The following ZNF138 variants were observed in gnomAD, a reference collection of about 807,000 sequenced individuals.
The protein encoded by ZNF138 is zinc finger protein 138 (clone pHZ-32).
In ZNF138, 33 loss-of-function variants were observed where a neutral mutation model predicts 33.0. That is an observed-to-expected ratio of 1.00 (90% CI 0.76 to 1.34). The LOEUF (loss-of-function observed/expected upper bound fraction) is 1.34, where lower values mean the gene tolerates loss of function less well. Among genes scored for constraint, ZNF138 ranks in the 40% most tolerant of loss-of-function variants. The pLI is 0.00. For synonymous variants in ZNF138, 139 were observed against 120.4 expected (o/e 1.15, Z -1.01); for missense variants, 360 against 370.8 (o/e 0.97, Z 0.24).
chr7:64,838,789 G>C, the ZNF138 span, among the ~76,000 whole-genome samples: 4 of 152,258 alleles, frequency 2.6e-5, no homozygotes, highest in African/African-American at 7.2e-5. Flanking sequence ...CAAGGAGTTA[G>C]GTGGGCAGGG....
chr7:64,800,244 G>A (rs1380590260), intron 1 of ZNF138, among the ~76,000 whole-genome samples: 1 of 152,110 alleles, frequency 6.6e-6, no homozygotes, highest in Non-Finnish European at 1.5e-5. Flanking sequence ...AATAGGAGTG[G>A]TGAGAGAAGG....
intron 3 of ZNF138, 36 bp from the exon 4 acceptor site, chr7:64,831,415 C>A: frequency 6.8e-7 from 1 of 1,471,448 alleles, no homozygotes; most frequent in Admixed American, 2.3e-5. Flanking sequence ...CTGAGTCTAG[C>A]AGGTGGAGTA....
At chr7:64,857,905 C>A in the ZNF138 span, among the ~76,000 whole-genome samples, 22 of 152,056 alleles carry the variant, frequency 1.4e-4, no homozygotes, top group African/African-American at 3.9e-4. Context: ...AAATTGGATA[C>A]CTATATAAAA....
At chr7:64,814,772 A>AG (rs1256321241) in intron 1 of ZNF138, 146 bp from the exon 2 acceptor site, 1 of 1,085,352 alleles carries the variant, frequency 9.2e-7, no homozygotes, top group Non-Finnish European at 1.3e-6. Flanking sequence ...CAAAAAAAAA[A>AG]AATTATTTTA....
Position 64,832,415 on chromosome 7 carries a change from C to A in ZNF138, c.*213C>A. The stretch of plus-strand genomic sequence containing the variant: ...TAATTCATACTGGAGAAAAACCCTA[C>A]AAATGTAAAGAATGTGGAAAAGCTT... On this transcript the variant is annotated 3_prime_UTR_variant, in exon 4 of 4. Coordinates refer to ENST00000307355, the MANE Select transcript of ZNF138 (RefSeq NM_001271639.2). The A allele has an allele frequency of 6.7e-7, 1 of 1,499,568 alleles. No homozygotes were observed. Among genetic ancestry groups the A allele is most frequent in the African/African-American group, 1.4e-5 (1 of 71,398 alleles). The allele number at this position is 1,499,568 out of a possible 1,614,324, so 92.9% of individuals were successfully genotyped here. A position where few individuals can be genotyped will look rare whatever the true frequency, so the allele number is the denominator to read the frequency against.
At chr7:64,849,915 C>G in the ZNF138 span, among the ~76,000 whole-genome samples, 1 of 152,180 alleles carries the variant, frequency 6.6e-6, no homozygotes, top group Non-Finnish European at 1.5e-5. Flanking sequence ...TTGTGCCTTG[C>G]TGCCTGTGGA....
At chr7:64,811,810 AGGG>A (rs1273776675) in intron 1 of ZNF138, among the ~76,000 whole-genome samples, 2 of 152,216 alleles carry the variant, frequency 1.3e-5, no homozygotes, top group African/African-American at 2.4e-5. Flanking sequence ...AATGAGCCCA[AGGG>A]GAGCAACATC....
chr7:64,831,838 A>G lies in ZNF138; in HGVS notation c.596A>G (p.Glu199Gly). Residue 199 changes from glutamate to glycine, a missense_variant, in exon 4 of 4, where the codon GAG (glutamate) becomes GGG (glycine). Physicochemically the swap from Glu to Gly is moderately conservative, Grantham distance 98 (BLOSUM62 -2). Transcript: ENST00000307355. ...AGAGAGAATTTCTACAAATGTGAAGAGTGTGGAAAAACCTTTAACTGGTCC... is the reference window on the plus strand; with the variant it reads ...AGAGAGAATTTCTACAAATGTGAAGGGTGTGGAAAAACCTTTAACTGGTCC... ...HTRENFYKCEECGKTFNWSTN... is the reference protein window; with the variant it reads ...HTRENFYKCEGCGKTFNWSTN... 6.2e-7 allele frequency: 1 copy of G among 1,613,908 alleles called. No homozygotes were observed. Among genetic ancestry groups the G allele is most frequent in the Non-Finnish European group, 8.5e-7 (1 of 1,179,938 alleles).
Position 64,832,837 on chromosome 7 carries a change from A to C in ZNF138, c.*635A>C. On this transcript the variant is annotated 3_prime_UTR_variant, in exon 4 of 4. Transcript: ENST00000307355. The stretch of plus-strand genomic sequence containing the variant: ...ATTCATACTAGAGAGAAACCCTACA[A>C]ATGTGAAGAATGTGGCATATCTTTT... The C allele has an allele frequency of 2.2e-6, 1 of 446,846 alleles. No individual in the cohort carries two copies. The highest frequency in any genetic ancestry group is 4.5e-6 in the Non-Finnish European group (1 of 221,128). 27.7% of individuals were successfully genotyped at this position (446,846 alleles called of 1,614,324 possible). A position where few individuals can be genotyped will look rare whatever the true frequency, so the allele number is the denominator to read the frequency against.
the ZNF138 span, among the ~76,000 whole-genome samples, chr7:64,851,313 C>CT: frequency 6.6e-6 from 1 of 151,822 alleles, no homozygotes; most frequent in Non-Finnish European, 1.5e-5. Flanking sequence ...AAACTTTATT[C>CT]TTTTTTTTAT....
chr7:64,796,447 A>G (rs533158937), intron 1 of ZNF138, among the ~76,000 whole-genome samples: 33 of 137,398 alleles, frequency 2.4e-4, no homozygotes, highest in African/African-American at 6.2e-4. Context: ...CCCTGAAAAG[A>G]TTTGTTCACT....
intron 1 of ZNF138, among the ~76,000 whole-genome samples, chr7:64,803,068 G>A (rs1478792057): frequency 6.6e-6 from 1 of 152,104 alleles, no homozygotes; most frequent in Admixed American, 6.5e-5. Context: ...TCTCCTGCAT[G>A]AAAATAAGGG....
At chr7:64,824,373 C>T (rs984223692) in intron 3 of ZNF138, among the ~76,000 whole-genome samples, 2 of 152,232 alleles carry the variant, frequency 1.3e-5, no homozygotes, top group Non-Finnish European at 2.9e-5. Context: ...CAGATGCTGA[C>T]ACACACTTCT....
chr7:64,848,814 C>G, the ZNF138 span, among the ~76,000 whole-genome samples: 34 of 149,064 alleles, frequency 2.3e-4, no homozygotes, highest in Admixed American at 2.3e-3. Context: ...ACGCCATTCT[C>G]CTGCCTCAGC....
the ZNF138 span, among the ~76,000 whole-genome samples, chr7:64,844,148 C>A: frequency 6.6e-6 from 1 of 152,190 alleles, no homozygotes; most frequent in Admixed American, 6.5e-5. Flanking sequence ...AAAGTCACTG[C>A]AGCCTAGAAC....
the ZNF138 span, among the ~76,000 whole-genome samples, chr7:64,851,766 A>G: frequency 2.6e-5 from 4 of 152,328 alleles, no homozygotes; most frequent in South Asian, 6.2e-4. Flanking sequence ...AGCCTCCAAA[A>G]AAAGAAATAA....
chr7:64,839,191 G>A, the ZNF138 span, among the ~76,000 whole-genome samples: 15 of 152,340 alleles, frequency 9.8e-5, no homozygotes, highest in African/African-American at 3.6e-4. Context: ...GGGGGCCAGC[G>A]AGATTGGTTG....
chr7:64,815,685 A>ATGC, intron 3 of ZNF138, 32 bp downstream of exon 3: 1 of 1,591,702 alleles, frequency 6.3e-7, no homozygotes, highest in South Asian at 1.1e-5. Flanking sequence ...GATGGCACAG[A>ATGC]TGAGAGGTCA....
rs1230831838 is a variant in ZNF138 at position 64,831,746 on chromosome 7, A to G, written c.504A>G (p.Arg168=). ...KIRHTENKHF[R]CKECDKSLCM... is the part of the protein sequence containing the mutation. Reference sequence around the variant, plus strand: ...GACATACTGAAAATAAACATTTCAGATGTAAAGAATGTGACAAATCACTTT... The same window carrying G: ...GACATACTGAAAATAAACATTTCAGGTGTAAAGAATGTGACAAATCACTTT... The change falls in exon 4 of 4, where the codon AGA becomes AGG. Residue 168 remains arginine (R), a synonymous_variant. Coordinates refer to ENST00000307355, the MANE Select transcript of ZNF138 (RefSeq NM_001271639.2). 2 of 1,613,706 alleles carry G rather than the reference A, an allele frequency of 1.2e-6. No individual in the cohort carries two copies. Among genetic ancestry groups the G allele is most frequent in the Non-Finnish European group, 1.7e-6 (2 of 1,179,872 alleles).
Sources: allele counts gnomAD v4.1 joint callset (sites outside exome capture counted in the v4.1 genomes callset), GRCh38; gene constraint gnomAD v4.1.1; transcripts MANE v1.5; gene names NCBI Gene and HGNC (gene_info 2026-07-23, HGNC 2026-07-21).